The following CELF2 variants were observed in gnomAD, a reference collection of about 807,000 sequenced individuals.
CELF2 encodes the protein CUG triplet repeat RNA-binding protein 2.
Under a neutral mutation model 62.6 loss-of-function variants are expected in CELF2, and 8 were observed. The observed-to-expected ratio is 0.13, with a 90% CI of 0.07 to 0.23. CELF2 has a LOEUF of 0.23. Among genes scored for constraint, CELF2 ranks in the 10% least tolerant of loss-of-function variants. The pLI is 1.00. For synonymous variants in CELF2, 258 were observed against 250.0 expected (o/e 1.03, Z -0.30); for missense variants, 333 against 671.0 (o/e 0.50, Z 5.56).
At chr10:10,879,221 T>A (rs1479237065) in intron 1 of CELF2, among the ~76,000 whole-genome samples, 1 of 152,204 alleles carries the variant, frequency 6.6e-6, no homozygotes, top group Non-Finnish European at 1.5e-5. Flanking sequence ...AGGGGCCTGG[T>A]GAATGCAATT....
intron 2 of CELF2, among the ~76,000 whole-genome samples, chr10:10,996,435 C>T (rs923232776): frequency 6.6e-6 from 1 of 152,204 alleles, no homozygotes; most frequent in Non-Finnish European, 1.5e-5. Flanking sequence ...CTTCCTCTGT[C>T]CCCGCCTCCT....
the CELF2 span, among the ~76,000 whole-genome samples, chr10:10,754,454 C>T: frequency 6.6e-6 from 1 of 152,068 alleles, no homozygotes; most frequent in Admixed American, 6.6e-5. Context: ...GCTAACCAAA[C>T]AGAAGCACTC....
At chr10:10,665,918 A>G in the CELF2 span, among the ~76,000 whole-genome samples, 1 of 152,188 alleles carries the variant, frequency 6.6e-6, no homozygotes, top group Non-Finnish European at 1.5e-5. Flanking sequence ...AAGGTCCAGG[A>G]ACGAAGCCAA....
Position 10,972,850 on chromosome 10 carries a change from T to C in CELF2, c.89+52851T>C, listed in dbSNP as rs2050900739. ...TTCCTCAGAAAACATGGGGACATGG[T>C]AGATTTTGCCTGTGTCTTCCCTCCC... On this transcript the variant is annotated intron_variant, in intron 2 of 13. Coordinates refer to the CELF2 transcript ENST00000636488. This position sits in a 1 kb window ranked among gnomAD's most constrained non-coding sequence, Gnocchi z 4.4. Among the ~76,000 whole-genome samples, 1 of 152,094 alleles carries C rather than the reference T, an allele frequency of 6.6e-6. No individual in the cohort carries two copies. Among genetic ancestry groups the C allele is most frequent in the Non-Finnish European group, 1.5e-5 (1 of 67,998 alleles).
intron 9 of CELF2, among the ~76,000 whole-genome samples, chr10:11,308,005 C>T: frequency 6.6e-6 from 1 of 152,230 alleles, no homozygotes; most frequent in East Asian, 1.9e-4. Flanking sequence ...CTAAGAGCAA[C>T]AGCCTGTCTT....
chr10:10,757,571 T>A, the CELF2 span, among the ~76,000 whole-genome samples: 214 of 152,030 alleles, frequency 1.4e-3, no homozygotes, highest in African/African-American at 4.9e-3. Context: ...AAAAGGCAAA[T>A]CACTAAAAGA....
At chr10:10,490,700 G>C in the CELF2 span, among the ~76,000 whole-genome samples, 18 of 152,214 alleles carry the variant, frequency 1.2e-4, no homozygotes, top group Non-Finnish European at 7.4e-5. Context: ...ATGAGGATAG[G>C]TTACAAATGA....
At chr10:10,927,354 A>AC in intron 2 of CELF2, 1 of 148,338 alleles carries the variant, frequency 6.7e-6, no homozygotes, top group South Asian at 2.1e-4. Context: ...ATTAAAAAAA[A>AC]AAAAAAAAAA....
At chr10:11,033,569 T>G (rs1379884794) in intron 1 of CELF2, among the ~76,000 whole-genome samples, 1 of 152,210 alleles carries the variant, frequency 6.6e-6, no homozygotes, top group Non-Finnish European at 1.5e-5. Flanking sequence ...AGGGCACATT[T>G]TTGACAGGTT....
At position 11,318,087 on chromosome 10, in the gene CELF2, G is replaced by T. The variant is rs1475932118; in HGVS notation, c.1097-3102G>T. ...GAGGAAATCAAGTGCCTGCAGCTGG[G>T]TTGACCAACACTGTCTTTGATAGAA... On this transcript the variant is annotated intron_variant, in intron 10 of 12. Coordinates refer to ENST00000633077, the MANE Select transcript of CELF2 (RefSeq NM_001326342.2). The surrounding 1 kb of genome is among the most constrained non-coding windows in gnomAD (Gnocchi z 5.4). 1.3e-5 allele frequency: 2 copies of T among 152,240 alleles called. No homozygotes were observed. Among genetic ancestry groups the T allele is most frequent in the African/African-American group, 4.8e-5 (2 of 41,454 alleles). The allele number at this position is 152,240 out of a possible 1,614,324, so 9.4% of individuals were successfully genotyped here. A position where few individuals can be genotyped will look rare whatever the true frequency, so the allele number is the denominator to read the frequency against.
chr10:10,988,939 A>G (rs546220502), intron 2 of CELF2, among the ~76,000 whole-genome samples: 22 of 152,288 alleles, frequency 1.4e-4, no homozygotes, highest in African/African-American at 5.3e-4. Context: ...AAAGATAAAT[A>G]TAAACATAAA....
chr10:10,473,335 G>C, the CELF2 span, among the ~76,000 whole-genome samples: 2 of 152,030 alleles, frequency 1.3e-5, no homozygotes, highest in South Asian at 4.2e-4. Context: ...CAATATCTAG[G>C]AAAAGGTAAG....
Position 11,211,088 on chromosome 10 carries a change from G to C in CELF2, c.272-6337G>C, listed in dbSNP as rs1180721352. Among the ~76,000 whole-genome samples the C allele has an allele frequency of 6.6e-6, 1 of 152,234 alleles. No homozygotes were observed. The highest frequency in any genetic ancestry group is 1.5e-5 in the Non-Finnish European group (1 of 68,036). The stretch of plus-strand genomic sequence containing the variant: ...GAGACGAGGAGTTTGAGAAGCCTGA[G>C]CTATGTAGCAAGACCCAGTCTCTAC... On this transcript the variant is annotated intron_variant, in intron 2 of 12. Coordinates refer to ENST00000633077, the MANE Select transcript of CELF2 (RefSeq NM_001326342.2). The surrounding 1 kb of genome is among the most constrained non-coding windows in gnomAD (Gnocchi z 4.8).
chr10:10,502,849 T>C, the CELF2 span, among the ~76,000 whole-genome samples: 3 of 152,002 alleles, frequency 2.0e-5, no homozygotes, highest in Non-Finnish European at 4.4e-5. Context: ...ATTTGAGACA[T>C]TTCTTCCTTT....
intron 1 of CELF2, among the ~76,000 whole-genome samples, chr10:11,024,505 G>A (rs966218243): frequency 6.0e-5 from 9 of 149,660 alleles, no homozygotes; most frequent in Middle Eastern, 3.2e-3. Context: ...GGAGGCTGAG[G>A]GGGGAGGATC....
the CELF2 span, among the ~76,000 whole-genome samples, chr10:10,741,681 G>A: frequency 2.4e-3 from 360 of 152,144 alleles, 3 homozygotes; most frequent in African/African-American, 8.4e-3. Flanking sequence ...TGTTCAACAG[G>A]CCAGTATGCC....
At chr10:11,067,069 A>G (rs2068370817) in intron 1 of CELF2, among the ~76,000 whole-genome samples, 1 of 152,124 alleles carries the variant, frequency 6.6e-6, no homozygotes, top group South Asian at 2.1e-4. Flanking sequence ...TCATCCAGTT[A>G]TTAGTCCTTT....
chr10:10,628,779 A>G, the CELF2 span, among the ~76,000 whole-genome samples: 1 of 152,232 alleles, frequency 6.6e-6, no homozygotes, highest in African/African-American at 2.4e-5. Context: ...ATGTATACAT[A>G]TGTAACAAAC....
chr10:10,516,772 G>C, the CELF2 span, among the ~76,000 whole-genome samples: 49 of 149,688 alleles, frequency 3.3e-4, no homozygotes, highest in Admixed American at 4.0e-4. Flanking sequence ...GGCTGAGTTT[G>C]AGTTCTCTCC....
Sources: gnomAD v4.1 joint callset for allele counts (sites outside exome capture counted in the v4.1 genomes callset) on GRCh38, gnomAD v4.1.1 for gene constraint, Gnocchi (gnomAD v3.1) non-coding constraint, MANE v1.5 for transcripts, NCBI Gene and HGNC (gene_info 2026-07-23, HGNC 2026-07-21) for gene names.